SULT1C3: variants seen among roughly 807,000 people sequenced by gnomAD.
The protein encoded by SULT1C3 is sulfotransferase 1C3.
Under a neutral mutation model 28.4 loss-of-function variants are expected in SULT1C3, and 31 were observed. The ratio of observed to expected loss-of-function variants is 1.09; its 90% CI spans 0.82 to 1.47. The LOEUF (loss-of-function observed/expected upper bound fraction) is 1.47. SULT1C3 is among the 40% of genes most tolerant of loss of function. The probability of loss-of-function intolerance (pLI) is 0.00; values close to 1 mark genes in which losing one functional copy is unlikely to be tolerated. For synonymous variants in SULT1C3, 106 were observed against 92.2 expected, an observed-to-expected ratio of 1.15 and a Z score of -0.86; for missense variants, 307 against 272.5, an observed-to-expected ratio of 1.13 and a Z score of -0.89.
chr2:108,243,128 C>A (rs1675501581), intron 1 of SULT1C3, among the ~76,000 whole-genome samples: 2 of 152,152 alleles, frequency 1.3e-5, no homozygotes, highest in African/African-American at 4.8e-5. Flanking sequence ...GTGTGCAAGG[C>A]ATTTTCAAAG....
chr2:108,240,898 T>C (rs899006974), intron 1 of SULT1C3, among the ~76,000 whole-genome samples: 1 of 152,250 alleles, frequency 6.6e-6, no homozygotes, highest in Non-Finnish European at 1.5e-5. Flanking sequence ...ATTTGCATAA[T>C]GTGCAGCAAG....
intron 5 of SULT1C3, among the ~76,000 whole-genome samples, chr2:108,256,495 A>G (rs1201360106): frequency 4.6e-5 from 7 of 152,088 alleles, no homozygotes; most frequent in Admixed American, 3.9e-4. Flanking sequence ...ACAAATGGAT[A>G]AACATTACAT....
intron 1 of SULT1C3, among the ~76,000 whole-genome samples, chr2:108,246,547 T>G (rs752732928): frequency 3.9e-5 from 6 of 152,122 alleles, no homozygotes; most frequent in Non-Finnish European, 8.8e-5. Flanking sequence ...AATTCCAAGT[T>G]TCCAGAGTTA....
chr2:108,251,798 T>C (rs1675730953), intron 2 of SULT1C3, among the ~76,000 whole-genome samples: 1 of 152,004 alleles, frequency 6.6e-6, no homozygotes, highest in Non-Finnish European at 1.5e-5. Flanking sequence ...ATGCAGCCAA[T>C]ACATCTTAAT....
At chr2:108,240,895 T>G (rs767089824) in intron 1 of SULT1C3, among the ~76,000 whole-genome samples, 1 of 152,240 alleles carries the variant, frequency 6.6e-6, no homozygotes, top group Non-Finnish European at 1.5e-5. Flanking sequence ...ATTATTTGCA[T>G]AATGTGCAGC....
At position 108,258,839 on chromosome 2, in the gene SULT1C3, C is replaced by T. The variant is rs1316215451; in HGVS notation, c.621+11C>T. ...GAGGATATTAAAAAAGTAAGTGGCA[C>T]TGAGACTTATAGGTCAGACCCAGAA... On this transcript the variant is annotated intron_variant, in intron 6 of 7. Coordinates refer to ENST00000681802, the MANE Select transcript of SULT1C3 (RefSeq NM_001320878.2). 1 of 1,601,832 alleles carries T rather than the reference C, an allele frequency of 6.2e-7. No individual in the cohort carries two copies. Among genetic ancestry groups the T allele is most frequent in the South Asian group, 1.1e-5 (1 of 90,490 alleles).
rs111787601 is a variant in SULT1C3, at chr2:108,247,372, G to T, written c.172+6G>T. The stretch of plus-strand genomic sequence containing the variant: ...GGCAACTTACCCAAAGTCAGGTAAG[G>T]GTAGCAAAACATAAAAATATTCAAT... On this transcript the variant is annotated splice_donor_region_variant and intron_variant, in intron 2 of 7. Transcript: ENST00000681802. 44 of 1,525,252 alleles carry T rather than the reference G, an allele frequency of 2.9e-5. No homozygotes were observed. The African/African-American group carries it at 5.2e-4, about 18-fold the overall frequency. 94.5% of individuals were successfully genotyped at this position (1,525,252 alleles called of 1,614,324 possible).
intron 2 of SULT1C3, among the ~76,000 whole-genome samples, chr2:108,251,110 T>C (rs1675716192): frequency 6.6e-6 from 1 of 152,008 alleles, no homozygotes; most frequent in Non-Finnish European, 1.5e-5. Flanking sequence ...TGTATTATGA[T>C]TGAAGATAAC....
downstream of SULT1C3, among the ~76,000 whole-genome samples, chr2:108,264,160 G>A (rs1033581655): frequency 6.6e-6 from 1 of 152,098 alleles, no homozygotes; most frequent in African/African-American, 2.4e-5. Flanking sequence ...TCAAACCATC[G>A]TGTCTGAGTG....
At chr2:108,264,355 C>T (rs936802284), downstream of SULT1C3, among the ~76,000 whole-genome samples, 1 of 152,130 alleles carries the variant, frequency 6.6e-6, no homozygotes, top group Non-Finnish European at 1.5e-5. Context: ...CCTTTTATTC[C>T]TCCTCTTAGT....
chr2:108,245,353 G>A (rs562352855), intron 1 of SULT1C3, among the ~76,000 whole-genome samples: 1 of 152,138 alleles, frequency 6.6e-6, no homozygotes. Flanking sequence ...ATTGGGCAAG[G>A]CCCCTTTAAG....
chr2:108,247,406 G>T, intron 2 of SULT1C3, 40 bp downstream of exon 2: 1 of 1,453,524 alleles, frequency 6.9e-7, no homozygotes, highest in South Asian at 1.5e-5. Context: ...ATATTTTCAC[G>T]TGAAATTATT....
intron 5 of SULT1C3, 112 bp from the exon 6 acceptor site, chr2:108,258,622 A>G: frequency 4.0e-6 from 3 of 756,408 alleles, no homozygotes; most frequent in Non-Finnish European, 6.5e-6. Context: ...CCACTTCGTT[A>G]AGGAACCAGA....
At chr2:108,263,176 T>C (rs1380976685), downstream of SULT1C3, among the ~76,000 whole-genome samples, 1 of 152,076 alleles carries the variant, frequency 6.6e-6, no homozygotes, top group Non-Finnish European at 1.5e-5. Context: ...AACGTGTTTG[T>C]GGAGGCCTGG....
At chr2:108,241,971 G>A (rs1353493148) in intron 1 of SULT1C3, among the ~76,000 whole-genome samples, 2 of 151,274 alleles carry the variant, frequency 1.3e-5, no homozygotes, top group Admixed American at 6.6e-5. Context: ...GTTAGTAAGC[G>A]ATTTTAATTA....
At chr2:108,248,878 A>G (rs1675656814) in intron 2 of SULT1C3, among the ~76,000 whole-genome samples, 1 of 152,178 alleles carries the variant, frequency 6.6e-6, no homozygotes, top group African/African-American at 2.4e-5. Context: ...ATTCTGGACT[A>G]TCTTGACGGA....
intron 5 of SULT1C3, among the ~76,000 whole-genome samples, chr2:108,257,301 C>T (rs982932703): frequency 6.6e-6 from 1 of 151,976 alleles, no homozygotes; most frequent in Admixed American, 6.6e-5. Flanking sequence ...CCAGCATCCC[C>T]TACAGATTTA....
chr2:108,252,644 T>C, intron 3 of SULT1C3, 151 bp downstream of exon 3: 2 of 918,610 alleles, frequency 2.2e-6, no homozygotes, highest in Non-Finnish European at 3.1e-6. Flanking sequence ...AAACTCTAGA[T>C]TGGGTCTTCA....
chr2:108,252,449 G>C lies in SULT1C3; in HGVS notation c.257G>C (p.Arg86Thr). 1 of 1,612,466 alleles carries C rather than the reference G, an allele frequency of 6.2e-7. No individual in the cohort carries two copies. The highest frequency in any genetic ancestry group is 8.5e-7 in the Non-Finnish European group (1 of 1,179,102). Reference sequence around the variant, plus strand: ...TGCAAAAGAGCCCAGACTCTAGATAGACACGCTTTCCTTGAACTGAAATTT... The same window carrying C: ...TGCAAAAGAGCCCAGACTCTAGATACACACGCTTTCCTTGAACTGAAATTT... ...EKCKRAQTLD[R>T]HAFLELKFPH... Residue 86 changes from arginine (R) to threonine (T), a missense_variant, in exon 3 of 8, where the codon AGA becomes ACA. Arg to Thr is a moderately conservative substitution (Grantham distance 71). Transcript: ENST00000681802.
Sources: gnomAD v4.1 joint callset for allele counts (sites outside exome capture counted in the v4.1 genomes callset) on GRCh38, gnomAD v4.1.1 for gene constraint, MANE v1.5 for transcripts, NCBI Gene and HGNC (gene_info 2026-07-23, HGNC 2026-07-21) for gene names.